The following USP46 variants were observed in gnomAD, a reference collection of about 807,000 sequenced individuals.
USP46 encodes the protein ubiquitin carboxyl-terminal hydrolase 46.
Under a neutral mutation model 44.4 loss-of-function variants are expected in USP46, and 12 were observed. The ratio of observed to expected loss-of-function variants is 0.27; its 90% CI spans 0.17 to 0.44. USP46 has a LOEUF of 0.44. Among genes scored for constraint, USP46 ranks in the 20% least tolerant of loss-of-function variants. The probability of loss-of-function intolerance (pLI) is 1.00; values close to 1 mark genes in which losing one functional copy is unlikely to be tolerated. For synonymous variants in USP46, 155 were observed against 161.5 expected, an observed-to-expected ratio of 0.96 and a Z score of 0.31; for missense variants, 248 against 444.8, an observed-to-expected ratio of 0.56 and a Z score of 3.98.
At chr4:52,620,657 A>C (rs541651984) in intron 4 of USP46, among the ~76,000 whole-genome samples, 1 of 152,368 alleles carries the variant, frequency 6.6e-6, no homozygotes, top group South Asian at 2.1e-4. Flanking sequence ...GAGAAATGAA[A>C]GCACTCGCTC....
intron 1 of USP46, among the ~76,000 whole-genome samples, chr4:52,638,852 T>C (rs551819759): frequency 1.3e-5 from 2 of 152,054 alleles, no homozygotes; most frequent in South Asian, 4.2e-4. Flanking sequence ...TTTGGAAACA[T>C]ATGTTCGTGC....
intron 1 of USP46, chr4:52,655,176 G>C (rs921386066): frequency 6.6e-6 from 1 of 152,196 alleles, no homozygotes; most frequent in Non-Finnish European, 1.5e-5. Flanking sequence ...ACAGCTGCTG[G>C]GAGTTTATTC....
At chr4:52,646,088 T>C (rs914606814) in intron 1 of USP46, among the ~76,000 whole-genome samples, 1 of 152,218 alleles carries the variant, frequency 6.6e-6, no homozygotes, top group East Asian at 1.9e-4. Context: ...TAGTTCTTTA[T>C]AGCACTGTGA....
intron 4 of USP46, among the ~76,000 whole-genome samples, chr4:52,616,185 G>C (rs925835429): frequency 2.0e-5 from 3 of 152,188 alleles, no homozygotes; most frequent in Non-Finnish European, 4.4e-5. Flanking sequence ...TCTCAATGTT[G>C]TATCTTGGGA....
At chr4:52,657,383 G>A (rs568395926) in intron 1 of USP46, among the ~76,000 whole-genome samples, 1 of 152,086 alleles carries the variant, frequency 6.6e-6, no homozygotes, top group Non-Finnish European at 1.5e-5. Context: ...GGGGACGCGT[G>A]GGGGGAGGTT....
At chr4:52,602,493 G>A (rs988386054) in intron 6 of USP46, among the ~76,000 whole-genome samples, 3 of 152,214 alleles carry the variant, frequency 2.0e-5, no homozygotes, top group African/African-American at 7.2e-5. Flanking sequence ...TCTGAGGACT[G>A]GCAGGAGGAT....
chr4:52,643,898 G>A (rs1416949526), intron 1 of USP46, among the ~76,000 whole-genome samples: 1 of 152,168 alleles, frequency 6.6e-6, no homozygotes, highest in Non-Finnish European at 1.5e-5. Flanking sequence ...TGGACCACAA[G>A]CCAGGAGAGG....
chr4:52,638,376 G>A (rs893148417), intron 1 of USP46, among the ~76,000 whole-genome samples: 10 of 152,202 alleles, frequency 6.6e-5, no homozygotes, highest in African/African-American at 2.4e-4. Context: ...CTCCCCTAGA[G>A]CCTCTGGAAG....
At chr4:52,616,748 A>ATAAAT (rs1717167433) in intron 4 of USP46, among the ~76,000 whole-genome samples, 1 of 152,350 alleles carries the variant, frequency 6.6e-6, no homozygotes, top group East Asian at 1.9e-4. Flanking sequence ...ACATATCTCA[A>ATAAAT]TAAATTTAAA....
At chr4:52,605,492 C>T (rs994518974) in intron 5 of USP46, among the ~76,000 whole-genome samples, 1 of 152,112 alleles carries the variant, frequency 6.6e-6, no homozygotes, top group Non-Finnish European at 1.5e-5. Flanking sequence ...ACCATAATGA[C>T]CAGATTTTAT....
chr4:52,656,419 G>A, intron 1 of USP46: 1 of 1,323,072 alleles, frequency 7.6e-7, no homozygotes, highest in Non-Finnish European at 1.0e-6. Context: ...GGAAGACTGG[G>A]AGGGACAGTG....
intron 1 of USP46, among the ~76,000 whole-genome samples, chr4:52,645,889 G>C (rs1718534368): frequency 6.6e-6 from 1 of 152,088 alleles, no homozygotes; most frequent in Non-Finnish European, 1.5e-5. Context: ...CGGGTTGTTT[G>C]AAAGTGTGTG....
intron 1 of USP46, among the ~76,000 whole-genome samples, chr4:52,643,811 C>T (rs1001046160): frequency 6.6e-6 from 1 of 152,176 alleles, no homozygotes; most frequent in Admixed American, 6.5e-5. Flanking sequence ...TGTAGGGAAC[C>T]TGCCCAAGCT....
chr4:52,646,015 G>A (rs1327743634), intron 1 of USP46, among the ~76,000 whole-genome samples: 1 of 152,130 alleles, frequency 6.6e-6, no homozygotes, highest in Non-Finnish European at 1.5e-5. Context: ...CATGCTTCCT[G>A]TTAAGCCTTT....
chr4:52,658,364 T>G, intron 1 of USP46: 1 of 441,394 alleles, frequency 2.3e-6, no homozygotes, highest in Non-Finnish European at 4.6e-6. Context: ...CAGAACCCAG[T>G]GATGTCCCTG....
chr4:52,602,690 T>C (rs1261736886), intron 6 of USP46, among the ~76,000 whole-genome samples: 1 of 152,214 alleles, frequency 6.6e-6, no homozygotes, highest in African/African-American at 2.4e-5. Flanking sequence ...ACTGGAGATG[T>C]TAACAGATGT....
rs145622862 is a variant in USP46 at position 52,610,126 on chromosome 4, G to A, written c.638+415C>T. Among the ~76,000 whole-genome samples the A allele has an allele frequency of 3.7e-3, 561 of 150,204 alleles. 3 individuals carry two copies. Among genetic ancestry groups the A allele is most frequent in the East Asian group, 0.026 (134 of 5,082 alleles). On this transcript the variant is annotated intron_variant, in intron 5 of 8. Transcript: ENST00000441222. ...TTTTTAGTAGAGACGGGGTTTCACC[G>A]TGTTAGCCAGGATGGTCTCGATCTC... is the stretch of plus-strand genomic sequence containing the variant.
At chr4:52,623,623 T>A (rs998515303) in intron 4 of USP46, among the ~76,000 whole-genome samples, 1 of 151,978 alleles carries the variant, frequency 6.6e-6, no homozygotes. Context: ...ATAGATTAAT[T>A]AAATAAAAAC....
chr4:52,627,134 C>A (rs553530150), intron 3 of USP46, among the ~76,000 whole-genome samples: 32 of 152,320 alleles, frequency 2.1e-4, no homozygotes, highest in African/African-American at 7.2e-4. Flanking sequence ...CAGCTGTGAA[C>A]CTTCATTATT....
Sources: gnomAD v4.1 joint callset for allele counts (sites outside exome capture counted in the v4.1 genomes callset) on GRCh38, gnomAD v4.1.1 for gene constraint, MANE v1.5 for transcripts, NCBI Gene and HGNC (gene_info 2026-07-23, HGNC 2026-07-21) for gene names.